Variants in CNTNAP2 observed in about 807,000 individuals in gnomAD.
The protein encoded by CNTNAP2 is contactin associated protein 2.
CNTNAP2 carries 98 observed loss-of-function variants against 155.2 expected under a neutral mutation model. The observed-to-expected ratio is 0.63, with a 90% confidence interval of 0.54 to 0.75. CNTNAP2 has a LOEUF of 0.75. Ranked by LOEUF, CNTNAP2 falls within the 30% of genes least tolerant of loss-of-function variation. CNTNAP2 has a pLI of 0.00. For missense variants in CNTNAP2, 1,727 were observed against 1,688.1 expected (o/e 1.02, Z -0.40); for synonymous variants, 651 against 631.2 (o/e 1.03, Z -0.47).
chr7:146,800,276 T>A (rs1444037217), intron 2 of CNTNAP2, among the ~76,000 whole-genome samples: 2 of 152,058 alleles, frequency 1.3e-5, no homozygotes, highest in Non-Finnish European at 2.9e-5. Flanking sequence ...AACACCTACA[T>A]CTCCCCAGAG....
chr7:147,337,475 T>C (rs1212865767), intron 9 of CNTNAP2, among the ~76,000 whole-genome samples: 1 of 152,130 alleles, frequency 6.6e-6, no homozygotes, highest in Non-Finnish European at 1.5e-5. Flanking sequence ...CTCTGAGAAC[T>C]ACAAGTGAGA....
intron 8 of CNTNAP2, among the ~76,000 whole-genome samples, chr7:147,163,716 C>A (rs2116459796): frequency 6.6e-6 from 1 of 152,260 alleles, no homozygotes; most frequent in South Asian, 2.1e-4. Flanking sequence ...GAAGAAATTT[C>A]TATAAATAAG....
At chr7:147,520,989 A>G (rs1799220581) in intron 11 of CNTNAP2, among the ~76,000 whole-genome samples, 1 of 152,214 alleles carries the variant, frequency 6.6e-6, no homozygotes, top group Admixed American at 6.5e-5. Flanking sequence ...GTAAGTAGTG[A>G]CAGTAAAATT....
intron 1 of CNTNAP2, among the ~76,000 whole-genome samples, chr7:146,431,220 A>C (rs975043517): frequency 6.6e-6 from 1 of 152,070 alleles, no homozygotes; most frequent in African/African-American, 2.4e-5. Context: ...ACAAACTTAT[A>C]GAAACAGAAA....
intron 2 of CNTNAP2, among the ~76,000 whole-genome samples, chr7:146,830,464 TTA>T (rs1040742061): frequency 1.5e-4 from 23 of 151,398 alleles, no homozygotes; most frequent in Admixed American, 1.5e-3. Context: ...ATTTGTTCAT[TTA>T]TATATATATA....
At chr7:147,289,327 C>T (rs1024952052) in intron 8 of CNTNAP2, among the ~76,000 whole-genome samples, 1 of 151,930 alleles carries the variant, frequency 6.6e-6, no homozygotes, top group African/African-American at 2.4e-5. Context: ...TGAATTAGAA[C>T]CCTCCTTGAA....
chr7:148,167,904 T>A (rs571417346), intron 17 of CNTNAP2, among the ~76,000 whole-genome samples: 12 of 152,188 alleles, frequency 7.9e-5, no homozygotes, highest in Non-Finnish European at 1.8e-4. Context: ...CTTTCTGAAA[T>A]GAACCCTGTA....
At chr7:146,368,084 C>T (rs1480985578) in intron 1 of CNTNAP2, among the ~76,000 whole-genome samples, 1 of 152,080 alleles carries the variant, frequency 6.6e-6, no homozygotes, top group Non-Finnish European at 1.5e-5. Context: ...ATCACTTTCT[C>T]CTCTGCATCC....
intron 1 of CNTNAP2, among the ~76,000 whole-genome samples, chr7:146,697,404 AT>A (rs1458845023): frequency 6.6e-6 from 1 of 151,862 alleles, no homozygotes; most frequent in Non-Finnish European, 1.5e-5. Flanking sequence ...CACCGGGTTA[AT>A]TTTTGTGTTT....
Position 147,135,218 on chromosome 7 carries a change from C to T in CNTNAP2, c.1348+2709C>T, listed in dbSNP as rs146643348. On this transcript the variant is annotated intron_variant, in intron 8 of 23. Coordinates refer to ENST00000361727, the MANE Select transcript of CNTNAP2 (RefSeq NM_014141.6). ...AGTTGTGATTACTGTCTTCAAGAGTCTCATTAGTAATCAACAGTAGACTTG... is the reference window on the plus strand; with the variant it reads ...AGTTGTGATTACTGTCTTCAAGAGTTTCATTAGTAATCAACAGTAGACTTG... 2.2e-3 allele frequency among the ~76,000 whole-genome samples: 338 copies of T among 151,848 alleles called. 3 individuals carry two copies. The highest frequency in any genetic ancestry group is 7.9e-3 in the African/African-American group (326 of 41,500).
intron 11 of CNTNAP2, among the ~76,000 whole-genome samples, chr7:147,512,101 A>G (rs1350180721): frequency 1.2e-4 from 18 of 152,210 alleles, no homozygotes; most frequent in Admixed American, 1.2e-3. Flanking sequence ...GAGTTGGGTG[A>G]AAACATATAC....
At chr7:146,738,632 G>A (rs1801659518) in intron 1 of CNTNAP2, among the ~76,000 whole-genome samples, 1 of 151,674 alleles carries the variant, frequency 6.6e-6, no homozygotes, top group Admixed American at 6.6e-5. Context: ...TTATCTAGTA[G>A]TCTCAAAGTT....
chr7:147,018,871 C>T (rs756467973), intron 3 of CNTNAP2, among the ~76,000 whole-genome samples: 1 of 151,916 alleles, frequency 6.6e-6, no homozygotes, highest in Non-Finnish European at 1.5e-5. Context: ...GAGTTTGAGA[C>T]CTTATCTTGA....
intron 8 of CNTNAP2, among the ~76,000 whole-genome samples, chr7:147,261,463 T>C (rs537687052): frequency 2.7e-4 from 41 of 152,272 alleles, no homozygotes; most frequent in Middle Eastern, 6.8e-3. Flanking sequence ...CATACAATTC[T>C]ATGTTGTTCA....
At chr7:146,823,705 C>G (rs536751586) in intron 2 of CNTNAP2, among the ~76,000 whole-genome samples, 1 of 151,434 alleles carries the variant, frequency 6.6e-6, no homozygotes, top group South Asian at 2.1e-4. Flanking sequence ...TGAGTATACT[C>G]ATTCTTCAGT....
At position 146,573,751 on chromosome 7, in the gene CNTNAP2, A is replaced by AT. The variant is rs1313747393; in HGVS notation, c.98-200514dup. Among the ~76,000 whole-genome samples the AT allele has an allele frequency of 5.3e-5, 8 of 152,066 alleles. No homozygotes were observed. In the East Asian group the frequency reaches 7.7e-4, roughly 15 times the overall value. ...TGCGTTCCTGAGCCTTTAGTGTCAA[A>AT]TTTTTTGTGTGTAAATCCAGGCTCT... On this transcript the variant is annotated intron_variant, in intron 1 of 23. Coordinates refer to ENST00000361727, the MANE Select transcript of CNTNAP2 (RefSeq NM_014141.6).
chr7:147,471,576 C>T (rs1798215968), intron 10 of CNTNAP2, among the ~76,000 whole-genome samples: 1 of 152,172 alleles, frequency 6.6e-6, no homozygotes. Flanking sequence ...TGAAATATTT[C>T]ATGTAAAGCA....
At chr7:146,723,940 T>TTTTG (rs1171255667) in intron 1 of CNTNAP2, among the ~76,000 whole-genome samples, 1 of 152,026 alleles carries the variant, frequency 6.6e-6, no homozygotes, top group Non-Finnish European at 1.5e-5. Context: ...ATTGAGGCTT[T>TTTTG]TTTGTTTTGT....
intron 15 of CNTNAP2, among the ~76,000 whole-genome samples, chr7:148,064,334 A>G (rs1400450547): frequency 6.6e-6 from 1 of 152,024 alleles, no homozygotes; most frequent in African/African-American, 2.4e-5. Context: ...GGTCATTTTG[A>G]CAATATTTAT....
Sources: allele counts gnomAD v4.1 joint callset (sites outside exome capture counted in the v4.1 genomes callset), GRCh38; gene constraint gnomAD v4.1.1; transcripts MANE v1.5; gene names NCBI Gene and HGNC (gene_info 2026-07-23, HGNC 2026-07-21).